CFAP157: variants seen among roughly 807,000 people sequenced by gnomAD.
The protein encoded by CFAP157 is cilia and flagella associated protein 157.
CFAP157 carries 43 observed loss-of-function variants against 57.8 expected under a neutral mutation model. The ratio of observed to expected loss-of-function variants is 0.74; its 90% CI spans 0.58 to 0.96. The LOEUF (loss-of-function observed/expected upper bound fraction) is 0.96, where lower values mean the gene tolerates loss of function less well. CFAP157 is among the 40% of genes least tolerant of loss of function. The pLI, the probability that CFAP157 is intolerant of heterozygous loss-of-function variation, is 0.00. For synonymous variants in CFAP157, 267 were observed against 269.0 expected (o/e 0.99, Z 0.07); for missense variants, 606 against 655.3 (o/e 0.92, Z 0.82).
Position 127,709,806 on chromosome 9 carries a change from G to A in CFAP157, c.433+113G>A, listed in dbSNP as rs1265917920. The A allele has an allele frequency of 1.7e-6, 2 of 1,197,716 alleles. No individual in the cohort carries two copies. The highest frequency in any genetic ancestry group is 2.5e-5 in the Admixed American group (1 of 40,224). The allele number at this position is 1,197,716 out of a possible 1,614,324, so 74.2% of individuals were successfully genotyped here. On this transcript the variant is annotated intron_variant, in intron 2 of 8. Transcript: ENST00000373295. The surrounding 1 kb of genome is among the most constrained non-coding windows in gnomAD (Gnocchi z 4.7). ...AGCCACATGCTGCTTGGCACACACT[G>A]TCTTCCTTAATTGTCCCAGCAATCC... is the stretch of plus-strand genomic sequence containing the variant.
chr9:127,715,307 G>T lies in CFAP157; in HGVS notation c.*1402G>T. 1.5e-6 allele frequency: 2 copies of T among 1,336,316 alleles called. No individual in the cohort carries two copies. The highest frequency in any genetic ancestry group is 2.5e-5 in the East Asian group (1 of 40,002). The allele number at this position is 1,336,316 out of a possible 1,614,324, so 82.8% of individuals were successfully genotyped here. On this transcript the variant is annotated 3_prime_UTR_variant, in exon 9 of 9. Transcript: ENST00000373295. This position sits in a 1 kb window ranked among gnomAD's most constrained non-coding sequence, Gnocchi z 5.8. ...GGAAACGCAGAGCAACGCTGCAGTG[G>T]GGAAGGGGCGCGAAGAAGGGGCCCA...
intron 8 of CFAP157, 136 bp downstream of exon 8, chr9:127,713,342 GCTGAAGA>G: frequency 2.8e-6 from 2 of 703,816 alleles, no homozygotes; most frequent in Non-Finnish European, 4.5e-6. Context: ...TGTAAAATGG[GCTGAAGA>G]AAGGAGTGGC....
rs1210746275 is a variant in CFAP157, at chr9:127,714,420, G to A, written c.*515G>A. Reference sequence around the variant, plus strand: ...CTAATGCAGGAACGGACTCCATTGTGGCCCCTTCAAGGGATATGGGAGGGG... The same window carrying A: ...CTAATGCAGGAACGGACTCCATTGTAGCCCCTTCAAGGGATATGGGAGGGG... On this transcript the variant is annotated 3_prime_UTR_variant, in exon 9 of 9. Transcript: ENST00000373295. The A allele has an allele frequency of 1.2e-6, 2 of 1,614,062 alleles. No homozygotes were observed. The highest frequency in any genetic ancestry group is 1.7e-6 in the Non-Finnish European group (2 of 1,180,028).
chr9:127,712,509 C>G, intron 6 of CFAP157, 160 bp downstream of exon 6: 1 of 1,463,860 alleles, frequency 6.8e-7, no homozygotes, highest in Non-Finnish European at 9.1e-7. Context: ...TTCAAAGATC[C>G]CTCCAAGGTC....
intron 1 of CFAP157, among the ~76,000 whole-genome samples, chr9:127,707,425 C>T (rs756307409): frequency 2.6e-4 from 39 of 152,280 alleles, no homozygotes; most frequent in Middle Eastern, 3.4e-3. Flanking sequence ...CCTGGGCCCA[C>T]GATGCTAGCT....
intron 6 of CFAP157, 163 bp from the exon 7 acceptor site, chr9:127,712,546 G>A (rs1842790389): frequency 5.3e-6 from 8 of 1,521,164 alleles, no homozygotes; most frequent in Non-Finnish European, 7.1e-6. Flanking sequence ...CCTTCTCTGA[G>A]GCTCTGAAAG....
rs1473401976 is a variant in CFAP157 at position 127,707,094 on chromosome 9, CAAG to C, written c.67_69del (p.Lys23del). On this transcript the variant is annotated inframe_deletion, in exon 1 of 9. Transcript: ENST00000373295. ...AGCTTGAAGTCAAGAAGAAAGGGGG[CAAG>C]AAGGAGCCGGTGGTGGCCGTGGAGC... is the stretch of plus-strand genomic sequence containing the variant. The C allele has an allele frequency of 6.2e-7, 1 of 1,613,840 alleles. No homozygotes were observed.
At chr9:127,710,117 A>G (rs1016713986) in intron 2 of CFAP157, among the ~76,000 whole-genome samples, 2 of 152,112 alleles carry the variant, frequency 1.3e-5, no homozygotes, top group Admixed American at 6.6e-5. Context: ...TACCAAAAAA[A>G]TACAAAAATT....
intron 5 of CFAP157, 58 bp from the exon 6 acceptor site, chr9:127,712,141 G>A: frequency 6.3e-7 from 1 of 1,595,402 alleles, no homozygotes; most frequent in Non-Finnish European, 8.5e-7. Context: ...CCTGGCCCCA[G>A]GTGGCCCCAG....
Position 127,715,664 on chromosome 9 carries a change from G to A in CFAP157, c.*1759G>A. ...TGCTGCCCCCATTCACTCCGACACC[G>A]CCCCCTGACGTCATCACCCCGCAGC... On this transcript the variant is annotated 3_prime_UTR_variant, in exon 9 of 9. Transcript: ENST00000373295. The surrounding 1 kb of genome is among the most constrained non-coding windows in gnomAD (Gnocchi z 5.8). 1 of 1,604,102 alleles carries A rather than the reference G, an allele frequency of 6.2e-7. No homozygotes were observed. Among genetic ancestry groups the A allele is most frequent in the South Asian group, 1.1e-5 (1 of 90,344 alleles).
At position 127,709,206 on chromosome 9, in the gene CFAP157, AGT is replaced by A. The variant is rs1842708977; in HGVS notation, c.162-214_162-213del. Among the ~76,000 whole-genome samples the A allele has an allele frequency of 6.6e-6, 1 of 152,246 alleles. No homozygotes were observed. Among genetic ancestry groups the A allele is most frequent in the Non-Finnish European group, 1.5e-5 (1 of 68,040 alleles). On this transcript the variant is annotated intron_variant, in intron 1 of 8. Transcript: ENST00000373295. This position sits in a 1 kb window ranked among gnomAD's most constrained non-coding sequence, Gnocchi z 4.7. ...CCTGCCCTCATGGAGTTTACATTCT[AGT>A]GATGTAATGAAAATAACATGCTAAG...
rs529503398 is a variant in CFAP157, at chr9:127,710,291, A to C, written c.434-310A>C. 4.0e-5 allele frequency among the ~76,000 whole-genome samples: 6 copies of C among 151,858 alleles called. No homozygotes were observed. In the East Asian group the frequency reaches 1.2e-3, roughly 29 times the overall value. Reference sequence around the variant, plus strand: ...GAGGAAGACCCTGTCTCAAAAAAAAAAAAAAAAACAAAACAGTTGTTGTCA... The same window carrying C: ...GAGGAAGACCCTGTCTCAAAAAAAACAAAAAAAACAAAACAGTTGTTGTCA... On this transcript the variant is annotated intron_variant, in intron 2 of 8. Transcript: ENST00000373295.
Position 127,714,934 on chromosome 9 carries a change from C to T in CFAP157, c.*1029C>T, listed in dbSNP as rs904613467. ...CTGGCCCCCGCGCCCCAACCCCCAC[C>T]CCCTTGGCCCGCCCGCCCACCCCTG... On this transcript the variant is annotated 3_prime_UTR_variant, in exon 9 of 9. Transcript: ENST00000373295. 1.1e-5 allele frequency: 7 copies of T among 645,814 alleles called. No individual in the cohort carries two copies. Among genetic ancestry groups the T allele is most frequent in the Non-Finnish European group, 1.9e-5 (7 of 378,064 alleles). 40.0% of individuals were successfully genotyped at this position (645,814 alleles called of 1,614,324 possible). A position where few individuals can be genotyped will look rare whatever the true frequency, so the allele number is the denominator to read the frequency against.
intron 7 of CFAP157, 70 bp from the exon 8 acceptor site, chr9:127,712,950 T>A: frequency 6.3e-7 from 1 of 1,592,208 alleles, no homozygotes; most frequent in East Asian, 2.3e-5. Flanking sequence ...ATGGGGACAG[T>A]GCTCGGCTCA....
In CFAP157 at chr9:127,713,928, C is replaced by T; in HGVS notation, c.*23C>T. On this transcript the variant is annotated 3_prime_UTR_variant, in exon 9 of 9. Coordinates refer to ENST00000373295, the MANE Select transcript of CFAP157 (RefSeq NM_001012502.3). ...TAGGACACAGAGAGAAGAACCTACT[C>T]CAGAAATGGACTGGTCCAGTCACAG... 1 of 1,606,936 alleles carries T rather than the reference C, an allele frequency of 6.2e-7. No individual in the cohort carries two copies. Among genetic ancestry groups the T allele is most frequent in the East Asian group, 2.2e-5 (1 of 44,856 alleles).
chr9:127,713,301 A>G, intron 8 of CFAP157, 95 bp downstream of exon 8: 1 of 942,022 alleles, frequency 1.1e-6, no homozygotes, highest in Non-Finnish European at 1.6e-6. Flanking sequence ...GGCCCTGGGG[A>G]TGTAACCAGA....
intron 3 of CFAP157, 86 bp from the exon 4 acceptor site, chr9:127,711,143 A>T (rs1419319587): frequency 6.6e-7 from 1 of 1,507,040 alleles, no homozygotes; most frequent in Non-Finnish European, 9.0e-7. Flanking sequence ...TAACAGCCCT[A>T]GGTGCTCTGG....
chr9:127,713,091 C>A lies in CFAP157; in HGVS notation c.1376C>A (p.Pro459Gln). Residue 459 changes from proline (P) to glutamine (Q), a missense_variant, in exon 8 of 9, where the codon CCG (proline) becomes CAG (glutamine). Pro to Gln is a moderately conservative substitution (Grantham distance 76). Transcript: ENST00000373295. ...CTCTCTGACATCACCCCCTACCAGCCGGGGGATCTAGGCCTGGTACCTCGC... is the reference window on the plus strand; with the variant it reads ...CTCTCTGACATCACCCCCTACCAGCAGGGGGATCTAGGCCTGGTACCTCGC... ...PQLSDITPYQ[P>Q]GDLGLVPRQV... is the part of the protein sequence containing the mutation. The A allele has an allele frequency of 1.2e-6, 2 of 1,613,690 alleles. No individual in the cohort carries two copies. Among genetic ancestry groups the A allele is most frequent in the Non-Finnish European group, 1.7e-6 (2 of 1,179,802 alleles).
At chr9:127,713,585 C>T in intron 8 of CFAP157, 1 of 368,310 alleles carries the variant, frequency 2.7e-6, no homozygotes, top group Non-Finnish European at 5.0e-6. Context: ...CAGCTCACAG[C>T]AACCTCCGCC....
Sources: gnomAD v4.1 joint callset for allele counts (sites outside exome capture counted in the v4.1 genomes callset) on GRCh38, gnomAD v4.1.1 for gene constraint, Gnocchi (gnomAD v3.1) non-coding constraint, MANE v1.5 for transcripts, NCBI Gene and HGNC (gene_info 2026-07-23, HGNC 2026-07-21) for gene names.